PIEZO2: variants seen among roughly 807,000 people sequenced by gnomAD.
The protein encoded by PIEZO2 is piezo-type mechanosensitive ion channel component 2.
PIEZO2 carries 172 observed loss-of-function variants against 337.3 expected under a neutral mutation model. That is an observed-to-expected ratio of 0.51 (90% CI 0.45 to 0.58). The LOEUF (loss-of-function observed/expected upper bound fraction) is 0.58, where lower values mean the gene tolerates loss of function less well. Ranked by LOEUF, PIEZO2 falls within the 20% of genes least tolerant of loss-of-function variation. PIEZO2 has a pLI of 0.00. For synonymous variants in PIEZO2, 1,251 were observed against 1,228.5 expected, an observed-to-expected ratio of 1.02 and a Z score of -0.38; for missense variants, 3,028 against 3,391.3, an observed-to-expected ratio of 0.89 and a Z score of 2.66.
chr18:11,113,704 A>G (rs1182898991), intron 1 of PIEZO2, among the ~76,000 whole-genome samples: 1 of 152,202 alleles, frequency 6.6e-6, no homozygotes, highest in Non-Finnish European at 1.5e-5. Flanking sequence ...TGACAAAAGG[A>G]ACTACTCAAA....
At position 10,787,195 on chromosome 18, in the gene PIEZO2, G is replaced by C. The variant is rs2039253285; in HGVS notation, c.2170-11C>G. The C allele has an allele frequency of 2.1e-6, 3 of 1,456,454 alleles. No homozygotes were observed. Among genetic ancestry groups the C allele is most frequent in the Non-Finnish European group, 2.7e-6 (3 of 1,112,584 alleles). 90.2% of individuals were successfully genotyped at this position (1,456,454 alleles called of 1,614,324 possible). A position where few individuals can be genotyped will look rare whatever the true frequency, so the allele number is the denominator to read the frequency against. ...CCATTCATAGTGCACCTGCAAATCA[G>C]ACATTGAAAAAAAAAAATGAGAAAA... is the stretch of plus-strand genomic sequence containing the variant. On this transcript the variant is annotated splice_polypyrimidine_tract_variant and intron_variant, in intron 15 of 55. Transcript: ENST00000674853.
chr18:10,883,850 G>A (rs186171362), intron 4 of PIEZO2, among the ~76,000 whole-genome samples: 57 of 120,164 alleles, frequency 4.7e-4, no homozygotes, highest in Admixed American at 3.2e-4. Flanking sequence ...TCAATCTGTC[G>A]CCTAGGCTGG....
intron 18 of PIEZO2, 50 bp downstream of exon 18, chr18:10,780,275 C>A (rs2038932562): frequency 2.8e-6 from 2 of 702,246 alleles, no homozygotes; most frequent in Admixed American, 2.0e-5. Context: ...TTTAACACAG[C>A]AAGAAATAGC....
chr18:10,883,843 A>G (rs2042496689), intron 4 of PIEZO2, among the ~76,000 whole-genome samples: 1 of 103,802 alleles, frequency 9.6e-6, no homozygotes, highest in Non-Finnish European at 1.9e-5. Flanking sequence ...CAGAGTCTCA[A>G]TCTGTCGCCT....
At chr18:10,908,109 A>G (rs761462592) in intron 4 of PIEZO2, among the ~76,000 whole-genome samples, 16 of 152,224 alleles carry the variant, frequency 1.1e-4, no homozygotes, top group Non-Finnish European at 1.8e-4. Flanking sequence ...ATTTATTATG[A>G]GACAATGCAT....
Position 11,133,438 on chromosome 18 carries a change from T to C in PIEZO2, c.64+15087A>G, listed in dbSNP as rs147881439. On this transcript the variant is annotated intron_variant, in intron 1 of 55. Coordinates refer to ENST00000674853, the MANE Select transcript of PIEZO2 (RefSeq NM_001378183.1). The stretch of plus-strand genomic sequence containing the variant: ...AATATAGAGTGTCAACTTGATTGGA[T>C]TGAAGGATACAAAGAATTGATCCTG... Among the ~76,000 whole-genome samples, 680 of 152,250 alleles carry C rather than the reference T, an allele frequency of 4.5e-3. 2 individuals are homozygous for C. The highest frequency in any genetic ancestry group is 0.015 in the African/African-American group (641 of 41,542).
chr18:10,864,305 G>T (rs998595596), intron 5 of PIEZO2, among the ~76,000 whole-genome samples: 3 of 152,084 alleles, frequency 2.0e-5, no homozygotes, highest in African/African-American at 7.2e-5. Flanking sequence ...GTCCAGGGTG[G>T]GATAACAAAT....
chr18:10,757,134 G>A (rs1284098696), intron 27 of PIEZO2, among the ~76,000 whole-genome samples: 1 of 150,800 alleles, frequency 6.6e-6, no homozygotes, highest in African/African-American at 2.4e-5. Context: ...GAGGGTTGGG[G>A]ATAAAGTTGA....
In PIEZO2 at chr18:10,857,147, TCTC is replaced by T; in HGVS notation, c.554_556del (p.Gly185del). ...TTCTTCCAACTCGCCTTCAACACCA[TCTC>T]CTCCATTGAAATCCTCTTCATAGAT... On this transcript the variant is annotated inframe_deletion, in exon 6 of 56. Transcript: ENST00000674853. 1 of 1,537,872 alleles carries T rather than the reference TCTC, an allele frequency of 6.5e-7. No homozygotes were observed. The highest frequency in any genetic ancestry group is 2.4e-5 in the East Asian group (1 of 40,912).
At chr18:10,898,703 A>G (rs1358475672) in intron 4 of PIEZO2, among the ~76,000 whole-genome samples, 1 of 152,178 alleles carries the variant, frequency 6.6e-6, no homozygotes, top group Non-Finnish European at 1.5e-5. Context: ...GGGAAGGGCC[A>G]TTACCTTCCC....
At chr18:10,914,178 G>A (rs900872109) in intron 3 of PIEZO2, among the ~76,000 whole-genome samples, 1 of 152,026 alleles carries the variant, frequency 6.6e-6, no homozygotes, top group Non-Finnish European at 1.5e-5. Context: ...CCAACACGGG[G>A]AAAGTAGAGA....
At chr18:10,770,458 A>T (rs189632016) in intron 20 of PIEZO2, 150 bp from the exon 21 acceptor site, 10 of 731,080 alleles carry the variant, frequency 1.4e-5, no homozygotes, top group Admixed American at 6.2e-5. Context: ...AATAAGGATG[A>T]TGTAAGAATC....
chr18:11,142,644 G>T (rs1281849613), intron 1 of PIEZO2, among the ~76,000 whole-genome samples: 1 of 152,008 alleles, frequency 6.6e-6, no homozygotes, highest in Non-Finnish European at 1.5e-5. Flanking sequence ...AGCGGACTGG[G>T]GTGGTGCACG....
rs765032993 is a variant in PIEZO2 at position 10,762,509 on chromosome 18, G to C, written c.3240C>G (p.Val1080=). Residue 1080 remains valine (V), a synonymous_variant, in exon 23 of 56, where the codon GTC becomes GTG. Coordinates refer to ENST00000674853, the MANE Select transcript of PIEZO2 (RefSeq NM_001378183.1). ...VGLRKSSPLL[V]YLRNNLLMLA... ...ACGACAAAGCCATTACCCTCAGGTAGACTAGCAGAGGCGAAGACTTCCGCA... is the reference window on the plus strand; with the variant it reads ...ACGACAAAGCCATTACCCTCAGGTACACTAGCAGAGGCGAAGACTTCCGCA... 1.5e-5 allele frequency: 23 copies of C among 1,537,136 alleles called. No individual in the cohort carries two copies. The highest frequency in any genetic ancestry group is 3.3e-4 in the Middle Eastern group (2 of 6,012).
At chr18:11,067,512 G>C (rs193083006) in intron 1 of PIEZO2, among the ~76,000 whole-genome samples, 10 of 152,202 alleles carry the variant, frequency 6.6e-5, no homozygotes, top group Non-Finnish European at 1.0e-4. Flanking sequence ...TCACATTTAA[G>C]AATACACAGA....
intron 1 of PIEZO2, among the ~76,000 whole-genome samples, chr18:11,130,127 A>G (rs1486394278): frequency 2.6e-5 from 4 of 152,240 alleles, no homozygotes; most frequent in African/African-American, 9.6e-5. Context: ...TAGTGCCACC[A>G]TCAAGGACTT....
intron 1 of PIEZO2, among the ~76,000 whole-genome samples, chr18:11,119,429 C>T (rs1165852116): frequency 2.0e-5 from 3 of 152,226 alleles, no homozygotes; most frequent in African/African-American, 2.4e-5. Context: ...TGAGCCACCG[C>T]GCCCGGCCAA....
intron 32 of PIEZO2, 127 bp from the exon 33 acceptor site, chr18:10,741,229 G>T: frequency 1.4e-6 from 1 of 731,556 alleles, no homozygotes; most frequent in Non-Finnish European, 2.2e-6. Flanking sequence ...TCAGGTAAAG[G>T]AACTATACTG....
intron 2 of PIEZO2, among the ~76,000 whole-genome samples, chr18:11,055,550 G>A (rs2037700584): frequency 6.6e-6 from 1 of 152,218 alleles, no homozygotes; most frequent in African/African-American, 2.4e-5. Flanking sequence ...CAGGCAAAGG[G>A]AGCTGTGACA....
Sources: allele counts gnomAD v4.1 joint callset (sites outside exome capture counted in the v4.1 genomes callset), GRCh38; gene constraint gnomAD v4.1.1; transcripts MANE v1.5; gene names NCBI Gene and HGNC (gene_info 2026-07-23, HGNC 2026-07-21).